Variants in PXDNL observed in about 807,000 individuals in gnomAD.
PXDNL encodes the protein peroxidasin like.
A neutral mutation model predicts 150.8 loss-of-function variants in PXDNL; 145 were observed. The ratio of observed to expected loss-of-function variants is 0.96; its 90% CI spans 0.84 to 1.10. PXDNL has a LOEUF of 1.10. Among genes scored for constraint, PXDNL ranks in the 50% least tolerant of loss-of-function variants. The probability of loss-of-function intolerance (pLI) is 0.00; values close to 1 mark genes in which losing one functional copy is unlikely to be tolerated. For synonymous variants in PXDNL, 757 were observed against 725.7 expected, an observed-to-expected ratio of 1.04 and a Z score of -0.69; for missense variants, 2,087 against 1,873.9, an observed-to-expected ratio of 1.11 and a Z score of -2.10.
At chr8:51,661,105 C>T (rs1815261396) in intron 1 of PXDNL, among the ~76,000 whole-genome samples, 1 of 152,190 alleles carries the variant, frequency 6.6e-6, no homozygotes, top group African/African-American at 2.4e-5. Context: ...TTTGACAGCC[C>T]TGTCATTGTA....
intron 4 of PXDNL, among the ~76,000 whole-genome samples, chr8:51,546,298 G>C (rs1310219712): frequency 2.6e-5 from 4 of 152,224 alleles, no homozygotes; most frequent in African/African-American, 9.6e-5. Context: ...ATGGATTTAA[G>C]GAGCTGAGTC....
chr8:51,611,557 C>T (rs568937910), intron 2 of PXDNL, among the ~76,000 whole-genome samples: 8 of 152,234 alleles, frequency 5.3e-5, no homozygotes, highest in African/African-American at 1.9e-4. Flanking sequence ...AAGGGAAGAA[C>T]CAGAGAAATA....
intron 1 of PXDNL, among the ~76,000 whole-genome samples, chr8:51,732,683 G>C (rs1198033172): frequency 6.6e-6 from 1 of 152,138 alleles, no homozygotes; most frequent in African/African-American, 2.4e-5. Context: ...CACATAGCTG[G>C]GGAGGCCTCA....
rs1359911791 is a variant in PXDNL at position 51,447,105 on chromosome 8, A to G, written c.1424T>C (p.Ile475Thr). 3.1e-6 allele frequency: 5 copies of G among 1,613,858 alleles called. No homozygotes were observed. Among genetic ancestry groups the G allele is most frequent in the Non-Finnish European group, 3.4e-6 (4 of 1,179,890 alleles). The change falls in exon 12 of 23, where the codon ATT (isoleucine) becomes ACT (threonine). Residue 475 changes from isoleucine to threonine, a missense_variant. Physicochemically the swap from Ile to Thr is moderately conservative, Grantham distance 89. Transcript: ENST00000356297. ...HTVLSSGTLRIDRAAQHDQGQ... is the reference protein window; with the variant it reads ...HTVLSSGTLRTDRAAQHDQGQ... ...TTGATCGTGCTGTGCTGCACGGTCA[A>G]TTCTCAAAGTGCCAGAGGAGAGAAC...
intron 13 of PXDNL, among the ~76,000 whole-genome samples, chr8:51,424,819 C>T (rs890972367): frequency 2.0e-4 from 31 of 152,126 alleles, no homozygotes; most frequent in African/African-American, 6.5e-4. Flanking sequence ...TAACCATGAA[C>T]GTTTAGAGTG....
intron 17 of PXDNL, among the ~76,000 whole-genome samples, chr8:51,407,769 G>A (rs770311093): frequency 6.6e-6 from 1 of 152,166 alleles, no homozygotes; most frequent in Non-Finnish European, 1.5e-5. Context: ...GCCTTGCTTG[G>A]ATTACCGCAG....
chr8:51,691,767 A>T (rs1395308839), intron 1 of PXDNL, among the ~76,000 whole-genome samples: 3 of 152,080 alleles, frequency 2.0e-5, no homozygotes, highest in Non-Finnish European at 4.4e-5. Context: ...CTACCTTATG[A>T]ACGTTTTTAC....
intron 2 of PXDNL, among the ~76,000 whole-genome samples, chr8:51,645,625 G>A (rs1814901714): frequency 6.6e-6 from 1 of 152,294 alleles, no homozygotes; most frequent in Middle Eastern, 3.4e-3. Flanking sequence ...TGCATTTGCT[G>A]ATAGATGTAG....
At chr8:51,400,258 T>C (rs1808207431) in intron 17 of PXDNL, among the ~76,000 whole-genome samples, 1 of 152,212 alleles carries the variant, frequency 6.6e-6, no homozygotes, top group Admixed American at 6.5e-5. Flanking sequence ...TGAAGGGGGC[T>C]GTGGAAGTCT....
intron 5 of PXDNL, among the ~76,000 whole-genome samples, chr8:51,487,885 A>G (rs1407795945): frequency 6.6e-6 from 1 of 152,206 alleles, no homozygotes; most frequent in African/African-American, 2.4e-5. Context: ...CGCTTTTGTC[A>G]AATCATAACA....
chr8:51,511,125 G>A (rs2130344711), intron 4 of PXDNL, among the ~76,000 whole-genome samples: 1 of 152,280 alleles, frequency 6.6e-6, no homozygotes, highest in Admixed American at 6.5e-5. Flanking sequence ...GGCAAGAGAA[G>A]CTTGAGCACT....
chr8:51,397,930 G>A (rs1239159968), intron 17 of PXDNL, among the ~76,000 whole-genome samples: 4 of 147,978 alleles, frequency 2.7e-5, no homozygotes, highest in Admixed American at 6.7e-5. Context: ...AACAGGCCCC[G>A]GTGTGAAGAC....
chr8:51,594,835 G>A (rs957748847), intron 2 of PXDNL, among the ~76,000 whole-genome samples: 11 of 152,074 alleles, frequency 7.2e-5, no homozygotes, highest in African/African-American at 2.7e-4. Context: ...ATGTTATGTT[G>A]TTTTATTATT....
At chr8:51,731,199 C>A (rs1397155862) in intron 1 of PXDNL, among the ~76,000 whole-genome samples, 1 of 152,232 alleles carries the variant, frequency 6.6e-6, no homozygotes, top group Non-Finnish European at 1.5e-5. Context: ...AAGTTAGTTA[C>A]TTCCTAGATA....
At chr8:51,432,547 A>G (rs953076866) in intron 12 of PXDNL, among the ~76,000 whole-genome samples, 1 of 152,170 alleles carries the variant, frequency 6.6e-6, no homozygotes, top group Non-Finnish European at 1.5e-5. Flanking sequence ...TTTCAATGAC[A>G]TTTTATTTTT....
At chr8:51,399,555 G>C (rs1808185636) in intron 17 of PXDNL, among the ~76,000 whole-genome samples, 1 of 152,192 alleles carries the variant, frequency 6.6e-6, no homozygotes, top group African/African-American at 2.4e-5. Flanking sequence ...AATCCAATAT[G>C]TGGTTGCTGG....
intron 1 of PXDNL, among the ~76,000 whole-genome samples, chr8:51,723,424 G>C (rs975217762): frequency 6.6e-6 from 1 of 152,160 alleles, no homozygotes; most frequent in Non-Finnish European, 1.5e-5. Context: ...AACTCGTGCC[G>C]TATCAGGTAA....
At chr8:51,686,406 G>T (rs1299594913) in intron 1 of PXDNL, among the ~76,000 whole-genome samples, 1 of 152,204 alleles carries the variant, frequency 6.6e-6, no homozygotes, top group Non-Finnish European at 1.5e-5. Flanking sequence ...CTGCCCCACT[G>T]CCTCATACAA....
intron 1 of PXDNL, among the ~76,000 whole-genome samples, chr8:51,744,897 AGAAGGAAG>A (rs138286122): frequency 1.3e-4 from 19 of 143,832 alleles, no homozygotes; most frequent in African/African-American, 4.6e-4. Flanking sequence ...AAGGAAGGAA[AGAAGGAAG>A]GAAGGAAGGA....
Sources: gnomAD v4.1 joint callset for allele counts (sites outside exome capture counted in the v4.1 genomes callset) on GRCh38, gnomAD v4.1.1 for gene constraint, MANE v1.5 for transcripts, NCBI Gene and HGNC (gene_info 2026-07-23, HGNC 2026-07-21) for gene names.